HDAC9: variants seen among roughly 807,000 people sequenced by gnomAD.
HDAC9 encodes the protein MEF-2 interacting transcription repressor (MITR) protein.
Under a neutral mutation model 139.4 loss-of-function variants are expected in HDAC9, and 41 were observed. The ratio of observed to expected loss-of-function variants is 0.29; its 90% CI spans 0.23 to 0.38. The LOEUF (loss-of-function observed/expected upper bound fraction) is 0.38, where lower values mean the gene tolerates loss of function less well. HDAC9 is among the 10% of genes least tolerant of loss of function. The pLI is 1.00. For missense variants in HDAC9, 1,147 were observed against 1,297.0 expected (o/e 0.88, Z 1.78); for synonymous variants, 517 against 476.2 (o/e 1.09, Z -1.12).
intron 21 of HDAC9, among the ~76,000 whole-genome samples, chr7:18,838,361 T>G (rs1305312336): frequency 6.6e-6 from 1 of 152,032 alleles, no homozygotes; most frequent in Non-Finnish European, 1.5e-5. Flanking sequence ...TTGTTCAACC[T>G]GTGCTTCTAA....
At chr7:18,868,305 C>T (rs1047751640) in intron 21 of HDAC9, among the ~76,000 whole-genome samples, 9 of 152,048 alleles carry the variant, frequency 5.9e-5, no homozygotes, top group Non-Finnish European at 1.2e-4. Context: ...CTCTGGATCC[C>T]CATAAATGAC....
intron 12 of HDAC9, among the ~76,000 whole-genome samples, chr7:18,703,614 C>T (rs921304570): frequency 3.3e-5 from 5 of 152,010 alleles, no homozygotes; most frequent in Non-Finnish European, 7.4e-5. Flanking sequence ...TTTATTTAGA[C>T]GTAGTGAACT....
In HDAC9 at chr7:18,829,532, T is replaced by C; in HGVS notation, c.2450T>C (p.Ile817Thr). The C allele has an allele frequency of 6.2e-7, 1 of 1,602,050 alleles. No homozygotes were observed. The highest frequency in any genetic ancestry group is 8.5e-7 in the Non-Finnish European group (1 of 1,169,858). The change falls in exon 19 of 26, where the codon ATA becomes ACA. Residue 817 changes from isoleucine to threonine, a missense_variant. Transcript: ENST00000686413. ...YLRDQLNISKILIVDLDVHHG... is the reference protein window; with the variant it reads ...YLRDQLNISKTLIVDLDVHHG... ...AGAGACCAACTAAATATAAGCAAGA[T>C]ATTGATTGTAGATCTGGTATGTATT...
intron 2 of HDAC9, among the ~76,000 whole-genome samples, chr7:18,237,944 A>G (rs1336570183): frequency 6.6e-6 from 1 of 152,222 alleles, no homozygotes; most frequent in Admixed American, 6.5e-5. Flanking sequence ...AGTAATGTCA[A>G]TGGCCATAAA....
chr7:18,658,041 C>T (rs745809936), intron 11 of HDAC9, among the ~76,000 whole-genome samples: 4 of 152,062 alleles, frequency 2.6e-5, no homozygotes, highest in African/African-American at 4.8e-5. Flanking sequence ...CGTCTTCTCA[C>T]GGTTTGATTG....
At chr7:18,866,509 G>T (rs140403458) in intron 21 of HDAC9, among the ~76,000 whole-genome samples, 1 of 152,102 alleles carries the variant, frequency 6.6e-6, no homozygotes, top group Non-Finnish European at 1.5e-5. Context: ...CACTGTGTGT[G>T]CCTGGGTTTG....
intron 1 of HDAC9, among the ~76,000 whole-genome samples, chr7:18,356,356 A>G (rs1409205839): frequency 9.4e-5 from 3 of 31,984 alleles, no homozygotes; most frequent in Non-Finnish European, 6.2e-5. Flanking sequence ...GGCAGCACAT[A>G]GGTTTTTTTT....
chr7:18,952,988 G>C (rs1782905102), intron 23 of HDAC9, among the ~76,000 whole-genome samples: 1 of 151,958 alleles, frequency 6.6e-6, no homozygotes. Context: ...TGGAATAAAG[G>C]TGCTATTGTT....
chr7:18,292,841 A>T (rs895374804), intron 1 of HDAC9, among the ~76,000 whole-genome samples: 6 of 152,160 alleles, frequency 3.9e-5, no homozygotes, highest in Non-Finnish European at 5.9e-5. Context: ...GCACAGTCAG[A>T]CATTTTAGAA....
chr7:18,936,353 G>T (rs1054058223), intron 23 of HDAC9, among the ~76,000 whole-genome samples: 3 of 152,198 alleles, frequency 2.0e-5, no homozygotes, highest in African/African-American at 4.8e-5. Context: ...TTTATGCTAA[G>T]AGGTAGGTAT....
chr7:18,314,191 G>A lies in HDAC9; in HGVS notation c.-42+23676G>A, dbSNP rs373849256. 1.7e-4 allele frequency among the ~76,000 whole-genome samples: 26 copies of A among 152,296 alleles called. No individual in the cohort carries two copies. In the South Asian group the frequency reaches 4.6e-3, roughly 27 times the overall value. ...ATGCTGTTAGCAATGTGAGACAGAA[G>A]GGAGGGATATGTGGGTGAGGAGGCC... On this transcript the variant is annotated intron_variant, in intron 1 of 3. Transcript: ENST00000413509.
chr7:18,172,381 T>C (rs1043434444), intron 2 of HDAC9, among the ~76,000 whole-genome samples: 5 of 152,312 alleles, frequency 3.3e-5, no homozygotes, highest in African/African-American at 1.2e-4. Context: ...CCAATTTTGT[T>C]GATCTTTTCA....
At chr7:18,139,752 C>T (rs139954672) in intron 1 of HDAC9, among the ~76,000 whole-genome samples, 138 of 152,230 alleles carry the variant, frequency 9.1e-4, no homozygotes, top group Non-Finnish European at 1.6e-3. Context: ...GCCCTAAATG[C>T]AGTCACATGT....
chr7:18,530,755 A>G (rs1808641068), intron 2 of HDAC9, among the ~76,000 whole-genome samples: 1 of 150,460 alleles, frequency 6.6e-6, no homozygotes, highest in South Asian at 2.1e-4. Flanking sequence ...TGTTTGTAAA[A>G]GTTTTGAATG....
intron 21 of HDAC9, among the ~76,000 whole-genome samples, chr7:18,849,256 G>A (rs1274480244): frequency 6.6e-6 from 1 of 152,124 alleles, no homozygotes; most frequent in Admixed American, 6.5e-5. Flanking sequence ...TCTACGGACT[G>A]TCTTCTCCTT....
At chr7:18,354,960 G>A (rs1319254201) in intron 1 of HDAC9, among the ~76,000 whole-genome samples, 1 of 152,138 alleles carries the variant, frequency 6.6e-6, no homozygotes, top group Non-Finnish European at 1.5e-5. Context: ...TGGTCTTGAA[G>A]AGCCATAGAG....
At chr7:18,602,153 A>G (rs567643095) in intron 6 of HDAC9, among the ~76,000 whole-genome samples, 12 of 152,150 alleles carry the variant, frequency 7.9e-5, no homozygotes, top group Admixed American at 3.9e-4. Flanking sequence ...ATATAGGCCT[A>G]TTTAAATTAT....
chr7:18,632,796 A>T (rs1275167760), intron 7 of HDAC9, among the ~76,000 whole-genome samples: 1 of 152,068 alleles, frequency 6.6e-6, no homozygotes, highest in East Asian at 1.9e-4. Context: ...ACAGAATAAC[A>T]AGGCCTTAAA....
At chr7:18,176,096 T>C (rs1408640724) in intron 2 of HDAC9, among the ~76,000 whole-genome samples, 1 of 152,178 alleles carries the variant, frequency 6.6e-6, no homozygotes, top group Non-Finnish European at 1.5e-5. Context: ...TCAGAAGAAA[T>C]TGTTTTTCAG....
Sources: allele counts gnomAD v4.1 joint callset (sites outside exome capture counted in the v4.1 genomes callset), GRCh38; gene constraint gnomAD v4.1.1; transcripts MANE v1.5; gene names NCBI Gene and HGNC (gene_info 2026-07-23, HGNC 2026-07-21).